PAPSS2: variants seen among roughly 807,000 people sequenced by gnomAD.
PAPSS2 encodes bifunctional 3'-phosphoadenosine 5'-phosphosulfate synthase 2.
In PAPSS2, 61 loss-of-function variants were observed where a neutral mutation model predicts 66.5. The ratio of observed to expected loss-of-function variants is 0.92; its 90% CI spans 0.75 to 1.14. PAPSS2 has a LOEUF of 1.14. Ranked by LOEUF, PAPSS2 falls within the 50% of genes most tolerant of loss-of-function variation. The probability of loss-of-function intolerance (pLI) is 0.00; values close to 1 mark genes in which losing one functional copy is unlikely to be tolerated. For missense variants in PAPSS2, 708 were observed against 789.6 expected, an observed-to-expected ratio of 0.90 and a Z score of 1.24; for synonymous variants, 289 against 287.5, an observed-to-expected ratio of 1.01 and a Z score of -0.05.
At chr10:87,698,995 C>G (rs1292951859) in intron 1 of PAPSS2, among the ~76,000 whole-genome samples, 1 of 152,236 alleles carries the variant, frequency 6.6e-6, no homozygotes, top group African/African-American at 2.4e-5. Flanking sequence ...GTGGTGACTG[C>G]ATCAAAGTTG....
intron 1 of PAPSS2, chr10:87,660,318 A>AT: frequency 1.8e-6 from 1 of 542,868 alleles, no homozygotes; most frequent in South Asian, 2.3e-5. Context: ...GGGACAGGAA[A>AT]TCCCCTTTCT....
chr10:87,675,840 A>G (rs1323649300), intron 1 of PAPSS2, among the ~76,000 whole-genome samples: 1 of 152,186 alleles, frequency 6.6e-6, no homozygotes, highest in African/African-American at 2.4e-5. Flanking sequence ...TTCTTGGTTC[A>G]GCCAGGCTTG....
intron 8 of PAPSS2, among the ~76,000 whole-genome samples, chr10:87,721,992 A>AT (rs1853603977): frequency 6.6e-6 from 1 of 152,206 alleles, no homozygotes; most frequent in Non-Finnish European, 1.5e-5. Flanking sequence ...ATTGTGTATG[A>AT]TGTAGCATTT....
Position 87,703,615 on chromosome 10 carries a change from T to C in PAPSS2, c.28-5581T>C, listed in dbSNP as rs11202521. On this transcript the variant is annotated intron_variant, in intron 1 of 12. Coordinates refer to ENST00000456849, the MANE Select transcript of PAPSS2 (RefSeq NM_001015880.2). ...CATTTTACAGAGAAAGATAAGGAGGTTCAGAGATGTTAATAACTTGCTCCA... is the reference window on the plus strand; with the variant it reads ...CATTTTACAGAGAAAGATAAGGAGGCTCAGAGATGTTAATAACTTGCTCCA... 3.6e-4 allele frequency: 159 copies of C among 441,818 alleles called. 1 individual carries two copies. Among genetic ancestry groups the C allele is most frequent in the Non-Finnish European group, 6.6e-4 (148 of 223,792 alleles). 27.4% of individuals were successfully genotyped at this position (441,818 alleles called of 1,614,324 possible). A position where few individuals can be genotyped will look rare whatever the true frequency, so the allele number is the denominator to read the frequency against.
At chr10:87,743,242 CAA>C (rs113848137) in intron 10 of PAPSS2, 129 bp from the exon 11 acceptor site, 8,336 of 777,100 alleles carry the variant, frequency 0.011, no homozygotes, top group East Asian at 0.015. Flanking sequence ...GAGACTCTTT[CAA>C]AAAAAAAAAA....
At chr10:87,724,703 T>G (rs1340480824) in intron 8 of PAPSS2, among the ~76,000 whole-genome samples, 1 of 148,564 alleles carries the variant, frequency 6.7e-6, no homozygotes, top group African/African-American at 2.4e-5. Context: ...CTCTATGTAT[T>G]ATACATTGAT....
At chr10:87,709,168 C>G in intron 1 of PAPSS2, 28 bp from the exon 2 acceptor site, 1 of 1,421,348 alleles carries the variant, frequency 7.0e-7, no homozygotes, top group Non-Finnish European at 9.9e-7. Context: ...TTAATTAATA[C>G]TGTGCTTGGT....
intron 1 of PAPSS2, among the ~76,000 whole-genome samples, chr10:87,669,148 C>T (rs1268852514): frequency 6.6e-6 from 1 of 152,182 alleles, no homozygotes; most frequent in Non-Finnish European, 1.5e-5. Flanking sequence ...CCTTTCCCAC[C>T]TCACTCAGTC....
chr10:87,730,292 C>CTTA (rs1403008239), intron 9 of PAPSS2, among the ~76,000 whole-genome samples: 1 of 152,104 alleles, frequency 6.6e-6, no homozygotes, highest in African/African-American at 2.4e-5. Context: ...GGTAGAGAAG[C>CTTA]TTATATACCA....
At chr10:87,738,834 A>G (rs556515765) in intron 9 of PAPSS2, among the ~76,000 whole-genome samples, 2 of 152,302 alleles carry the variant, frequency 1.3e-5, no homozygotes, top group South Asian at 4.1e-4. Flanking sequence ...GATCATCTCA[A>G]GTTATGTCTA....
At chr10:87,692,655 G>T (rs1393797996) in intron 1 of PAPSS2, among the ~76,000 whole-genome samples, 1 of 152,198 alleles carries the variant, frequency 6.6e-6, no homozygotes, top group Non-Finnish European at 1.5e-5. Context: ...GCCAAATCCA[G>T]TCCAGATTCT....
At chr10:87,726,834 A>G (rs1009432260) in intron 8 of PAPSS2, among the ~76,000 whole-genome samples, 1 of 152,218 alleles carries the variant, frequency 6.6e-6, no homozygotes, top group Non-Finnish European at 1.5e-5. Context: ...CTAAACAGGT[A>G]ATGAAATAAG....
intron 1 of PAPSS2, among the ~76,000 whole-genome samples, chr10:87,664,240 G>A (rs937292051): frequency 7.2e-5 from 11 of 152,112 alleles, no homozygotes; most frequent in African/African-American, 2.7e-4. Context: ...TATTTAATAA[G>A]GAAAAACAAA....
intron 10 of PAPSS2, among the ~76,000 whole-genome samples, chr10:87,741,691 G>A (rs1049321151): frequency 3.3e-5 from 5 of 151,294 alleles, no homozygotes; most frequent in African/African-American, 4.9e-5. Context: ...CACTGCACCC[G>A]GCCCCTAGTA....
At chr10:87,689,385 T>TG (rs1365305702) in intron 1 of PAPSS2, among the ~76,000 whole-genome samples, 50 of 147,504 alleles carry the variant, frequency 3.4e-4, no homozygotes, top group African/African-American at 1.2e-3. Flanking sequence ...ACTTGTGGCC[T>TG]GGGGGACAGG....
At chr10:87,720,275 C>T (rs1222571561) in intron 7 of PAPSS2, among the ~76,000 whole-genome samples, 1 of 152,158 alleles carries the variant, frequency 6.6e-6, no homozygotes, top group Non-Finnish European at 1.5e-5. Context: ...CCTCACTCCC[C>T]CAGTAGAAGG....
chr10:87,714,664 C>G, intron 4 of PAPSS2, 81 bp from the exon 5 acceptor site: 1 of 882,290 alleles, frequency 1.1e-6, no homozygotes, highest in Admixed American at 1.7e-5. Flanking sequence ...ATACATTATT[C>G]CAACATGTGT....
chr10:87,693,573 G>A (rs1370296158), intron 1 of PAPSS2, among the ~76,000 whole-genome samples: 1 of 152,200 alleles, frequency 6.6e-6, no homozygotes, highest in Non-Finnish European at 1.5e-5. Flanking sequence ...TTGAGAATGT[G>A]CTCAGAGCAT....
At chr10:87,702,030 C>T (rs1853325693) in intron 1 of PAPSS2, among the ~76,000 whole-genome samples, 1 of 152,144 alleles carries the variant, frequency 6.6e-6, no homozygotes, top group East Asian at 1.9e-4. Context: ...TCAATAATTT[C>T]ACTTTGGGTT....
Sources: gnomAD v4.1 joint callset for allele counts (sites outside exome capture counted in the v4.1 genomes callset) on GRCh38, gnomAD v4.1.1 for gene constraint, MANE v1.5 for transcripts, NCBI Gene and HGNC (gene_info 2026-07-23, HGNC 2026-07-21) for gene names.